GPC5: variants seen among roughly 807,000 people sequenced by gnomAD.
GPC5 encodes the protein glypican 5, also known as glypican-5.
Under a neutral mutation model 53.9 loss-of-function variants are expected in GPC5, and 47 were observed. The ratio of observed to expected loss-of-function variants is 0.87; its 90% CI spans 0.69 to 1.11. The LOEUF (loss-of-function observed/expected upper bound fraction) is 1.11. Ranked by LOEUF, GPC5 falls within the 50% of genes most tolerant of loss-of-function variation. The probability of loss-of-function intolerance (pLI) is 0.00; values close to 1 mark genes in which losing one functional copy is unlikely to be tolerated. For missense variants in GPC5, 748 were observed against 713.1 expected (o/e 1.05, Z -0.56); for synonymous variants, 286 against 263.3 (o/e 1.09, Z -0.84).
chr13:92,043,785 G>A (rs563857565), intron 6 of GPC5, among the ~76,000 whole-genome samples: 5 of 152,274 alleles, frequency 3.3e-5, no homozygotes, highest in African/African-American at 9.6e-5. Flanking sequence ...CCATGAGTCA[G>A]ATGTTTTAAT....
At chr13:92,306,035 G>A (rs972321061) in intron 7 of GPC5, among the ~76,000 whole-genome samples, 3 of 152,174 alleles carry the variant, frequency 2.0e-5, no homozygotes, top group African/African-American at 4.8e-5. Context: ...AAGAGCAAAC[G>A]AGCTGGACTT....
intron 6 of GPC5, among the ~76,000 whole-genome samples, chr13:92,059,060 T>C (rs2041100066): frequency 6.6e-6 from 1 of 152,206 alleles, no homozygotes; most frequent in South Asian, 2.1e-4. Context: ...CTAAGAAGAC[T>C]TGACCATTAG....
At chr13:92,192,490 C>T (rs768016246) in intron 7 of GPC5, among the ~76,000 whole-genome samples, 45 of 152,014 alleles carry the variant, frequency 3.0e-4, no homozygotes, top group Non-Finnish European at 5.4e-4. Flanking sequence ...AAAATAAATG[C>T]GTGATAACAA....
intron 7 of GPC5, among the ~76,000 whole-genome samples, chr13:92,460,630 C>A (rs1878441059): frequency 6.6e-6 from 1 of 152,124 alleles, no homozygotes; most frequent in African/African-American, 2.4e-5. Context: ...GTGTGACTCA[C>A]TCTACAAATA....
At chr13:92,007,619 T>C (rs545797757) in intron 6 of GPC5, among the ~76,000 whole-genome samples, 31 of 152,308 alleles carry the variant, frequency 2.0e-4, no homozygotes, top group Non-Finnish European at 3.8e-4. Flanking sequence ...TTTCAGGCTG[T>C]ATATGGTTTA....
chr13:92,529,629 T>G (rs2138985084), intron 7 of GPC5, among the ~76,000 whole-genome samples: 1 of 152,294 alleles, frequency 6.6e-6, no homozygotes, highest in South Asian at 2.1e-4. Flanking sequence ...TCCAGAATTC[T>G]GATCACAGTT....
At chr13:92,503,903 GT>G (rs1880276643) in intron 7 of GPC5, among the ~76,000 whole-genome samples, 1 of 151,842 alleles carries the variant, frequency 6.6e-6, no homozygotes, top group Non-Finnish European at 1.5e-5. Flanking sequence ...GGCCAAGATT[GT>G]TTCTGATAAA....
chr13:91,874,370 A>T (rs2039179988), intron 5 of GPC5, among the ~76,000 whole-genome samples: 1 of 152,058 alleles, frequency 6.6e-6, no homozygotes, highest in Admixed American at 6.5e-5. Flanking sequence ...CCTTTATAGG[A>T]TGTAGTCAGA....
chr13:91,654,278 G>A (rs2034793086), intron 2 of GPC5, among the ~76,000 whole-genome samples: 1 of 152,100 alleles, frequency 6.6e-6, no homozygotes, highest in Non-Finnish European at 1.5e-5. Flanking sequence ...CTACTTTGAA[G>A]AACACAGGCA....
intron 6 of GPC5, among the ~76,000 whole-genome samples, chr13:91,916,415 A>C (rs1239171658): frequency 6.6e-6 from 1 of 152,236 alleles, no homozygotes; most frequent in Non-Finnish European, 1.5e-5. Context: ...TGACTATATA[A>C]ATAAAATGAG....
At chr13:92,654,886 A>G (rs558646200) in intron 7 of GPC5, among the ~76,000 whole-genome samples, 38 of 152,296 alleles carry the variant, frequency 2.5e-4, no homozygotes, top group African/African-American at 8.2e-4. Context: ...CTGGATTGCT[A>G]AAGATCTGAA....
chr13:91,542,512 TGTTA>T (rs1245544211), intron 2 of GPC5, among the ~76,000 whole-genome samples: 1 of 152,114 alleles, frequency 6.6e-6, no homozygotes. Flanking sequence ...TTTTTTCCAG[TGTTA>T]GTTTTTGCAT....
intron 7 of GPC5, among the ~76,000 whole-genome samples, chr13:92,648,658 A>G (rs113851672): frequency 2.6e-5 from 4 of 152,280 alleles, no homozygotes; most frequent in African/African-American, 7.2e-5. Flanking sequence ...AGACATTAAG[A>G]AAGTTATATT....
intron 1 of GPC5, among the ~76,000 whole-genome samples, chr13:91,441,919 A>G (rs1028938371): frequency 7.2e-5 from 11 of 152,172 alleles, no homozygotes; most frequent in African/African-American, 2.7e-4. Context: ...ATATAAGTAC[A>G]TCTTGATCTC....
chr13:92,479,428 T>A (rs959261987), intron 7 of GPC5, among the ~76,000 whole-genome samples: 2 of 152,198 alleles, frequency 1.3e-5, no homozygotes, highest in Non-Finnish European at 2.9e-5. Context: ...TCACTGCATG[T>A]AGCTTAACAA....
chr13:92,397,754 C>T (rs942058226), intron 7 of GPC5, among the ~76,000 whole-genome samples: 4 of 151,998 alleles, frequency 2.6e-5, no homozygotes, highest in Admixed American at 6.5e-5. Flanking sequence ...TACTTATTGG[C>T]GCGGAAACAG....
At chr13:92,584,398 C>A (rs1361706166) in intron 7 of GPC5, among the ~76,000 whole-genome samples, 2 of 152,114 alleles carry the variant, frequency 1.3e-5, no homozygotes, top group African/African-American at 2.4e-5. Flanking sequence ...TTTGCCCCTG[C>A]CCTAGAGATC....
intron 2 of GPC5, among the ~76,000 whole-genome samples, chr13:91,652,633 C>T (rs1294089604): frequency 6.6e-6 from 1 of 152,138 alleles, no homozygotes; most frequent in Non-Finnish European, 1.5e-5. Context: ...TGGGAGATTT[C>T]ATCACACTAC....
intron 7 of GPC5, among the ~76,000 whole-genome samples, chr13:92,150,738 G>A (rs1042232710): frequency 1.3e-5 from 2 of 152,054 alleles, no homozygotes; most frequent in Non-Finnish European, 1.5e-5. Context: ...TTAAGGCTTA[G>A]AGGAGCCCTC....
Sources: gnomAD v4.1 joint callset for allele counts (sites outside exome capture counted in the v4.1 genomes callset) on GRCh38, gnomAD v4.1.1 for gene constraint, MANE v1.5 for transcripts, NCBI Gene and HGNC (gene_info 2026-07-23, HGNC 2026-07-21) for gene names.